PLCB1: variants seen among roughly 807,000 people sequenced by gnomAD.
PLCB1 encodes the protein 1-phosphatidylinositol 4,5-bisphosphate phosphodiesterase beta-1.
A neutral mutation model predicts 161.8 loss-of-function variants in PLCB1; 46 were observed. The observed-to-expected ratio is 0.28, with a 90% CI of 0.22 to 0.36. PLCB1 has a LOEUF of 0.36. PLCB1 is among the 10% of genes least tolerant of loss of function. The pLI, the probability that PLCB1 is intolerant of heterozygous loss-of-function variation, is 1.00. For synonymous variants in PLCB1, 517 were observed against 503.7 expected, an observed-to-expected ratio of 1.03 and a Z score of -0.35; for missense variants, 1,016 against 1,472.5, an observed-to-expected ratio of 0.69 and a Z score of 5.07.
At chr20:8,685,486 C>T (rs905873649) in intron 10 of PLCB1, among the ~76,000 whole-genome samples, 13 of 149,938 alleles carry the variant, frequency 8.7e-5, no homozygotes, top group Admixed American at 6.8e-4. Flanking sequence ...CACTTTGGGA[C>T]GGCGAGGCGG....
At chr20:8,321,350 C>G (rs1984911745) in intron 2 of PLCB1, among the ~76,000 whole-genome samples, 2 of 152,168 alleles carry the variant, frequency 1.3e-5, no homozygotes. Context: ...CATCATACCT[C>G]TTATTGTTGT....
Position 8,882,129 on chromosome 20 carries a change from C to A in PLCB1, c.*280C>A. 2.9e-6 allele frequency: 1 copy of A among 347,916 alleles called. No homozygotes were observed. Among genetic ancestry groups the A allele is most frequent in the Non-Finnish European group, 5.3e-6 (1 of 190,398 alleles). 21.6% of individuals were successfully genotyped at this position (347,916 alleles called of 1,614,324 possible). ...ATTCAAAGCAAGCAACTTGCAGGCT[C>A]CATGGAACTTTTAATGAAGGACAGT... On this transcript the variant is annotated 3_prime_UTR_variant, in exon 32 of 32. Coordinates refer to ENST00000338037, the MANE Select transcript of PLCB1 (RefSeq NM_015192.4).
intron 3 of PLCB1, among the ~76,000 whole-genome samples, chr20:8,431,862 A>G (rs185609253): frequency 1.1e-4 from 17 of 152,292 alleles, no homozygotes; most frequent in Admixed American, 7.2e-4. Flanking sequence ...GGGCTGCCAT[A>G]ATAAAATGCT....
intron 31 of PLCB1, among the ~76,000 whole-genome samples, chr20:8,799,830 A>T (rs1270122412): frequency 6.6e-6 from 1 of 152,176 alleles, no homozygotes; most frequent in Non-Finnish European, 1.5e-5. Context: ...TCTCCCATGT[A>T]CTTTGTCATT....
intron 3 of PLCB1, among the ~76,000 whole-genome samples, chr20:8,520,203 T>C (rs565409857): frequency 1.0e-3 from 156 of 152,316 alleles, no homozygotes; most frequent in Non-Finnish European, 1.9e-3. Flanking sequence ...TGGAAAGCTC[T>C]TGGTAAAAAC....
chr20:8,770,506 C>T (rs1173909502), intron 26 of PLCB1, among the ~76,000 whole-genome samples: 1 of 152,130 alleles, frequency 6.6e-6, no homozygotes, highest in Non-Finnish European at 1.5e-5. Flanking sequence ...TCAGGACATG[C>T]GCCTGTGACA....
chr20:8,725,595 C>CTTCCAAGAGTTTATATAT (rs1979891688), intron 16 of PLCB1, among the ~76,000 whole-genome samples: 1 of 152,168 alleles, frequency 6.6e-6, no homozygotes. Flanking sequence ...ATCTCTACAA[C>CTTCCAAGAGTTTATATAT]AAAGAATTCA....
intron 3 of PLCB1, among the ~76,000 whole-genome samples, chr20:8,494,853 G>A (rs1347996485): frequency 6.6e-6 from 1 of 152,088 alleles, no homozygotes; most frequent in Non-Finnish European, 1.5e-5. Flanking sequence ...TCAGTTTCAT[G>A]TTATGTAAAA....
intron 12 of PLCB1, among the ~76,000 whole-genome samples, chr20:8,712,170 C>G (rs1347837318): frequency 6.6e-6 from 1 of 151,948 alleles, no homozygotes; most frequent in Admixed American, 6.6e-5. Flanking sequence ...TGGCGGGTGC[C>G]TACAGTCCCA....
intron 8 of PLCB1, among the ~76,000 whole-genome samples, chr20:8,657,726 A>C (rs1989503171): frequency 6.6e-6 from 1 of 152,132 alleles, no homozygotes. Context: ...TAGAAATTAT[A>C]AACTTATATC....
At chr20:8,796,954 T>C (rs1373120649) in intron 31 of PLCB1, among the ~76,000 whole-genome samples, 3 of 152,256 alleles carry the variant, frequency 2.0e-5, no homozygotes, top group African/African-American at 7.2e-5. Context: ...CTCTAGAAGT[T>C]CCTTTCATGC....
At chr20:8,199,720 A>G (rs2052070741) in intron 2 of PLCB1, among the ~76,000 whole-genome samples, 1 of 152,150 alleles carries the variant, frequency 6.6e-6, no homozygotes, top group Non-Finnish European at 1.5e-5. Flanking sequence ...TTATTTGCTT[A>G]AAATATTACT....
intron 3 of PLCB1, among the ~76,000 whole-genome samples, chr20:8,508,525 A>C (rs1312945278): frequency 6.6e-6 from 1 of 152,274 alleles, no homozygotes; most frequent in Admixed American, 6.5e-5. Context: ...ATCCTTGCTT[A>C]TTTCCAATCT....
At chr20:8,175,346 CAT>C (rs1020305992) in intron 2 of PLCB1, among the ~76,000 whole-genome samples, 3 of 152,082 alleles carry the variant, frequency 2.0e-5, no homozygotes, top group Non-Finnish European at 4.4e-5. Context: ...GACCCATACA[CAT>C]ATGCTCTGCT....
intron 3 of PLCB1, among the ~76,000 whole-genome samples, chr20:8,527,069 GT>G (rs1370622884): frequency 1.3e-5 from 2 of 152,082 alleles, no homozygotes; most frequent in African/African-American, 4.8e-5. Flanking sequence ...ACACATCTGG[GT>G]GATGCCAGAC....
intron 1 of PLCB1, among the ~76,000 whole-genome samples, chr20:8,136,672 A>G (rs2051353620): frequency 6.6e-6 from 1 of 151,956 alleles, no homozygotes; most frequent in Non-Finnish European, 1.5e-5. Context: ...GATGGACGTG[A>G]ATTTTATCAA....
At chr20:8,221,787 A>G (rs1979424895) in intron 2 of PLCB1, among the ~76,000 whole-genome samples, 1 of 148,948 alleles carries the variant, frequency 6.7e-6, no homozygotes, top group South Asian at 2.1e-4. Flanking sequence ...AAATTTACAC[A>G]GAGTTTCAAT....
chr20:8,856,414 G>A lies in PLCB1; in HGVS notation c.3424-25208G>A, dbSNP rs528286525. On this transcript the variant is annotated intron_variant, in intron 31 of 31. Transcript: ENST00000338037. Reference sequence around the variant, plus strand: ...GTGAATCACTTGAGGCCAGGAGTTCGAGACCAGCCTGGCCAACATGATAAA... The same window carrying A: ...GTGAATCACTTGAGGCCAGGAGTTCAAGACCAGCCTGGCCAACATGATAAA... Among the ~76,000 whole-genome samples the A allele has an allele frequency of 4.6e-5, 7 of 152,150 alleles. No individual in the cohort carries two copies. In the South Asian group the frequency reaches 8.3e-4, roughly 18 times the overall value.
intron 29 of PLCB1, 88 bp from the exon 30 acceptor site, chr20:8,789,430 T>G: frequency 2.3e-6 from 2 of 851,946 alleles, no homozygotes; most frequent in Admixed American, 3.7e-5. Context: ...TGTTGAGAGT[T>G]CTGTAACCTT....
Sources: gnomAD v4.1 joint callset for allele counts (sites outside exome capture counted in the v4.1 genomes callset) on GRCh38, gnomAD v4.1.1 for gene constraint, MANE v1.5 for transcripts, NCBI Gene and HGNC (gene_info 2026-07-23, HGNC 2026-07-21) for gene names.